The following DLGAP2 variants were observed in gnomAD, a reference collection of about 807,000 sequenced individuals.
DLGAP2 encodes disks large-associated protein 2.
A neutral mutation model predicts 100.3 loss-of-function variants in DLGAP2; 26 were observed. That is an observed-to-expected ratio of 0.26 (90% CI 0.19 to 0.36). DLGAP2 has a LOEUF of 0.36. DLGAP2 is among the 10% of genes least tolerant of loss of function. The pLI is 1.00. For missense variants in DLGAP2, 1,858 were observed against 1,453.2 expected, an observed-to-expected ratio of 1.28 and a Z score of -4.53; for synonymous variants, 886 against 630.1, an observed-to-expected ratio of 1.41 and a Z score of -6.08.
At chr8:1,196,488 C>T (rs754782258) in intron 2 of DLGAP2, among the ~76,000 whole-genome samples, 3 of 152,166 alleles carry the variant, frequency 2.0e-5, no homozygotes, top group South Asian at 2.1e-4. Flanking sequence ...GCTTTCCTCA[C>T]GTTTCAAGCC....
chr8:1,484,070 A>T (rs1054050170), intron 3 of DLGAP2, among the ~76,000 whole-genome samples: 3 of 152,234 alleles, frequency 2.0e-5, no homozygotes, highest in African/African-American at 7.2e-5. Flanking sequence ...AGCTGGAAGG[A>T]AGAAAGACAA....
At chr8:1,367,449 G>C (rs1180066478) in intron 3 of DLGAP2, among the ~76,000 whole-genome samples, 19 of 152,210 alleles carry the variant, frequency 1.2e-4, no homozygotes, top group African/African-American at 3.9e-4. Flanking sequence ...TTGTGGCTCA[G>C]AGCCTCATTC....
chr8:1,701,082 G>C, intron 14 of DLGAP2, 106 bp from the exon 15 acceptor site: 1 of 1,031,998 alleles, frequency 9.7e-7, no homozygotes, highest in East Asian at 2.6e-5. Flanking sequence ...CGGCCCTGGG[G>C]GCTGCGGTCG....
chr8:1,155,500 C>T (rs1796765850), intron 2 of DLGAP2, among the ~76,000 whole-genome samples: 2 of 152,288 alleles, frequency 1.3e-5, no homozygotes, highest in Admixed American at 6.5e-5. Context: ...GGGAACTTTT[C>T]TAAAGAGTTT....
chr8:1,588,500 T>A (rs6558488), intron 6 of DLGAP2, among the ~76,000 whole-genome samples: 80,255 of 152,078 alleles, frequency 0.53, 21,974 homozygotes, highest in African/African-American at 0.68. Context: ...GATGCCTAAT[T>A]TATGAATTTT....
chr8:1,408,717 G>A (rs1316359901), intron 3 of DLGAP2, among the ~76,000 whole-genome samples: 1 of 152,166 alleles, frequency 6.6e-6, no homozygotes, highest in Non-Finnish European at 1.5e-5. Flanking sequence ...CAGTGCAGAG[G>A]GTTTTCTGGT....
intron 1 of DLGAP2, among the ~76,000 whole-genome samples, chr8:771,222 T>C (rs966188597): frequency 6.6e-6 from 1 of 152,224 alleles, no homozygotes; most frequent in Non-Finnish European, 1.5e-5. Flanking sequence ...CACATCTACT[T>C]GCAAATGTCC....
intron 2 of DLGAP2, among the ~76,000 whole-genome samples, chr8:1,257,139 C>G (rs1799241093): frequency 6.6e-6 from 1 of 152,150 alleles, no homozygotes. Flanking sequence ...CGGGAGAGCT[C>G]AGTAGAGCTG....
intron 1 of DLGAP2, among the ~76,000 whole-genome samples, chr8:887,007 C>T (rs1019851036): frequency 6.6e-6 from 1 of 152,152 alleles, no homozygotes; most frequent in Non-Finnish European, 1.5e-5. Context: ...GAGTCTAAGT[C>T]TCCTTGTAGG....
chr8:1,595,262 C>CT (rs908948270), intron 6 of DLGAP2, among the ~76,000 whole-genome samples: 2 of 151,712 alleles, frequency 1.3e-5, no homozygotes, highest in East Asian at 1.9e-4. Flanking sequence ...GTTTTACGGG[C>CT]TTTTTTTAAA....
intron 6 of DLGAP2, among the ~76,000 whole-genome samples, chr8:1,593,516 C>A (rs903376818): frequency 1.3e-5 from 2 of 151,960 alleles, no homozygotes; most frequent in Non-Finnish European, 2.9e-5. Context: ...AATTGAAAAT[C>A]TCCTGCACCT....
rs527775708 is a variant in DLGAP2, at chr8:1,363,492, A to C, written c.106+104609A>C. ...CCACCACCCAGTGATGGCCTTGTCC[A>C]CAAAAAGCCATCCTGGCAGGAGCTC... On this transcript the variant is annotated intron_variant, in intron 3 of 14. Coordinates refer to ENST00000637795, the MANE Select transcript of DLGAP2 (RefSeq NM_001346810.2). Among the ~76,000 whole-genome samples, 10 of 152,298 alleles carry C rather than the reference A, an allele frequency of 6.6e-5. No homozygotes were observed. The South Asian group carries it at 2.1e-3, about 32-fold the overall frequency.
chr8:1,200,528 C>G (rs1797847974), intron 2 of DLGAP2, among the ~76,000 whole-genome samples: 1 of 152,192 alleles, frequency 6.6e-6, no homozygotes, highest in Admixed American at 6.5e-5. Flanking sequence ...GCTGATTGTT[C>G]TCTGGTCTGA....
chr8:1,619,489 AAATT>A (rs1163150984), intron 6 of DLGAP2, among the ~76,000 whole-genome samples: 1 of 152,240 alleles, frequency 6.6e-6, no homozygotes, highest in African/African-American at 2.4e-5. Flanking sequence ...AAAGAAAAAT[AAATT>A]TTTTGGTAAG....
At chr8:1,088,556 C>T (rs1695693033) in intron 2 of DLGAP2, among the ~76,000 whole-genome samples, 2 of 152,172 alleles carry the variant, frequency 1.3e-5, no homozygotes, top group South Asian at 4.1e-4. Flanking sequence ...GGTGCATCAT[C>T]AGAGATTGTA....
chr8:1,067,345 G>A (rs1030242809), intron 2 of DLGAP2, among the ~76,000 whole-genome samples: 1 of 152,186 alleles, frequency 6.6e-6, no homozygotes, highest in African/African-American at 2.4e-5. Flanking sequence ...ACCTGTTGGT[G>A]TTCCCGCTGT....
In DLGAP2 at chr8:1,565,676, C is replaced by T. The variant is rs368597899; in HGVS notation, c.1231-7C>T. On this transcript the variant is annotated splice_polypyrimidine_tract_variant and splice_region_variant and intron_variant, in intron 5 of 14. Coordinates refer to ENST00000637795, the MANE Select transcript of DLGAP2 (RefSeq NM_001346810.2). ...TTGATGCGTGTTTCATGTCTGTCTG[C>T]TCCCAGGTACCTCAGGATGAGTGGG... The T allele has an allele frequency of 1.9e-6, 3 of 1,607,510 alleles. No individual in the cohort carries two copies. The highest frequency in any genetic ancestry group is 2.6e-6 in the Non-Finnish European group (3 of 1,176,076).
rs773227672 is a variant in DLGAP2 at position 1,701,279 on chromosome 8, G to C, written c.3041G>C (p.Arg1014Thr). The C allele has an allele frequency of 3.2e-6, 5 of 1,584,330 alleles. No homozygotes were observed. The highest frequency in any genetic ancestry group is 4.3e-6 in the Non-Finnish European group (5 of 1,166,154). ...TREKSLDLPD[R>T]QRQEARRRLM... Reference sequence around the variant, plus strand: ...GAAAAATCCCTGGACCTGCCCGACAGACAACGCCAGGAAGCCCGGAGGCGC... The same window carrying C: ...GAAAAATCCCTGGACCTGCCCGACACACAACGCCAGGAAGCCCGGAGGCGC... The change falls in exon 15 of 15, where the codon AGA becomes ACA. Residue 1014 changes from arginine to threonine, a missense_variant. Arg to Thr is a moderately conservative substitution (Grantham distance 71). Coordinates refer to ENST00000637795, the MANE Select transcript of DLGAP2 (RefSeq NM_001346810.2).
chr8:1,113,244 T>A (rs530467491), intron 2 of DLGAP2, among the ~76,000 whole-genome samples: 3 of 152,350 alleles, frequency 2.0e-5, no homozygotes, highest in African/African-American at 7.2e-5. Context: ...GTAAAGAGTG[T>A]CATTGGTATT....
Sources: allele counts gnomAD v4.1 joint callset (sites outside exome capture counted in the v4.1 genomes callset), GRCh38; gene constraint gnomAD v4.1.1; transcripts MANE v1.5; gene names NCBI Gene and HGNC (gene_info 2026-07-23, HGNC 2026-07-21).